Variants in USP30 observed in about 807,000 individuals in gnomAD.
The protein encoded by USP30 is ubiquitin specific peptidase 30.
USP30 carries 41 observed loss-of-function variants against 68.2 expected under a neutral mutation model. The observed-to-expected ratio is 0.60, with a 90% CI of 0.47 to 0.78. USP30 has a LOEUF of 0.78. Among genes scored for constraint, USP30 ranks in the 30% least tolerant of loss-of-function variants. The pLI is 0.00. For missense variants in USP30, 522 were observed against 649.4 expected (o/e 0.80, Z 2.13); for synonymous variants, 229 against 253.7 (o/e 0.90, Z 0.93).
At chr12:109,076,410 C>CTTTTTTTTTTTTT (rs60618572) in intron 7 of USP30, among the ~76,000 whole-genome samples, 2 of 135,658 alleles carry the variant, frequency 1.5e-5, no homozygotes, top group Non-Finnish European at 1.6e-5. Context: ...ATCTTTATTC[C>CTTTTTTTTTTTTT]TTTTTTTTTT....
At position 109,061,243 on chromosome 12, in the gene USP30, T is replaced by C. The variant is rs977523923; in HGVS notation, c.376+3135T>C. 1.2e-4 allele frequency among the ~76,000 whole-genome samples: 19 copies of C among 152,220 alleles called. No homozygotes were observed. The South Asian group carries it at 1.7e-3, about 13-fold the overall frequency. ...CAAAGATTTTGTGAAAGCTGAAATG[T>C]CCACATGAGTTATCCTAACCCTGAC... On this transcript the variant is annotated intron_variant, in intron 3 of 12. Transcript: ENST00000257548.
At chr12:109,069,787 G>T (rs2041375568) in intron 4 of USP30, among the ~76,000 whole-genome samples, 1 of 152,180 alleles carries the variant, frequency 6.6e-6, no homozygotes, top group Admixed American at 6.5e-5. Context: ...CAAGCTACAG[G>T]GGGAGACTGC....
intron 3 of USP30, among the ~76,000 whole-genome samples, chr12:109,062,324 T>C (rs917684595): frequency 4.8e-4 from 73 of 150,678 alleles, no homozygotes; most frequent in African/African-American, 1.7e-3. Flanking sequence ...CTCTACCTCC[T>C]TCACTTTTTT....
chr12:109,069,837 C>T (rs761041036), intron 4 of USP30, among the ~76,000 whole-genome samples: 12 of 152,114 alleles, frequency 7.9e-5, no homozygotes, highest in Non-Finnish European at 1.5e-4. Context: ...GAGGTTTCAG[C>T]GGAGACCGGA....
At chr12:109,054,492 G>C (rs2040778125) in intron 1 of USP30, among the ~76,000 whole-genome samples, 1 of 151,536 alleles carries the variant, frequency 6.6e-6, no homozygotes, top group African/African-American at 2.4e-5. Context: ...CTGCACTCCA[G>C]CCTGGGCACT....
rs969457651 is a variant in USP30 at position 109,070,535 on chromosome 12, G to A, written c.481-1077G>A. ...GTTGGGGGCTTTGTAGGCCAGATAAGAATGGTAGGTTTTACTCTAGTAGTG... is the reference window on the plus strand; with the variant it reads ...GTTGGGGGCTTTGTAGGCCAGATAAAAATGGTAGGTTTTACTCTAGTAGTG... On this transcript the variant is annotated intron_variant, in intron 4 of 12. Coordinates refer to ENST00000257548, the MANE Select transcript of USP30 (RefSeq NM_032663.5). The surrounding 1 kb of genome is among the most constrained non-coding windows in gnomAD (Gnocchi z 4.0). Among the ~76,000 whole-genome samples the A allele has an allele frequency of 1.3e-5, 2 of 152,216 alleles. No homozygotes were observed. The highest frequency in any genetic ancestry group is 2.9e-5 in the Non-Finnish European group (2 of 68,036).
At chr12:109,063,877 T>C (rs2041158686) in intron 3 of USP30, among the ~76,000 whole-genome samples, 1 of 144,936 alleles carries the variant, frequency 6.9e-6, no homozygotes, top group Non-Finnish European at 1.5e-5. Context: ...GAATTGGGTT[T>C]CTTTTTTTTT....
intron 4 of USP30, among the ~76,000 whole-genome samples, chr12:109,071,229 A>G (rs746551776): frequency 4.6e-5 from 7 of 152,266 alleles, no homozygotes; most frequent in Admixed American, 1.3e-4. Context: ...ACATGAATGT[A>G]CTTAATGCCA....
At chr12:109,078,218 G>A (rs2041670696) in intron 7 of USP30, among the ~76,000 whole-genome samples, 2 of 152,086 alleles carry the variant, frequency 1.3e-5, no homozygotes, top group Non-Finnish European at 1.5e-5. Context: ...GAGGTCAGGA[G>A]TTCAAGACCA....
intron 3 of USP30, among the ~76,000 whole-genome samples, chr12:109,046,057 C>T (rs1238320027): frequency 6.6e-6 from 1 of 150,832 alleles, no homozygotes; most frequent in Non-Finnish European, 1.5e-5. Context: ...GCAGAATTCC[C>T]TCTTATTCTT....
chr12:109,036,692 G>T (rs1367261478), intron 3 of USP30, among the ~76,000 whole-genome samples: 1 of 151,954 alleles, frequency 6.6e-6, no homozygotes, highest in African/African-American at 2.4e-5. Context: ...GAATAGTTTT[G>T]CCAGATATAG....
intron 7 of USP30, among the ~76,000 whole-genome samples, chr12:109,080,591 A>G (rs2041768139): frequency 6.6e-6 from 1 of 152,196 alleles, no homozygotes; most frequent in Non-Finnish European, 1.5e-5. Context: ...ATGTTCTTCT[A>G]CATTTTGTTT....
intron 3 of USP30, among the ~76,000 whole-genome samples, chr12:109,042,722 T>C (rs775942841): frequency 5.3e-5 from 8 of 152,206 alleles, no homozygotes; most frequent in Non-Finnish European, 1.0e-4. Context: ...ACAACTTCTA[T>C]TTAACGTAGT....
intron 3 of USP30, among the ~76,000 whole-genome samples, chr12:109,042,752 G>A (rs2135674319): frequency 6.6e-6 from 1 of 152,218 alleles, no homozygotes; most frequent in Middle Eastern, 3.4e-3. Flanking sequence ...TCTAGCCACA[G>A]CAATTAGGCA....
chr12:109,044,990 T>C (rs548104083), intron 3 of USP30, among the ~76,000 whole-genome samples: 414 of 18,888 alleles, frequency 0.022, 2 homozygotes, highest in African/African-American at 0.04. Context: ...TCAAACATCT[T>C]TTTTTTTTTT....
intron 3 of USP30, among the ~76,000 whole-genome samples, chr12:109,036,480 T>A (rs1193072126): frequency 2.0e-5 from 3 of 152,022 alleles, no homozygotes; most frequent in Non-Finnish European, 4.4e-5. Context: ...GTATTTTGGA[T>A]AGAGATGGGG....
chr12:109,060,594 T>A (rs1194643206), intron 3 of USP30, among the ~76,000 whole-genome samples: 1 of 152,142 alleles, frequency 6.6e-6, no homozygotes, highest in African/African-American at 2.4e-5. Flanking sequence ...GTAAACATGC[T>A]CTTTGAGGCC....
chr12:109,058,242 A>C, intron 3 of USP30, 134 bp downstream of exon 3: 1 of 974,486 alleles, frequency 1.0e-6, no homozygotes, highest in Non-Finnish European at 1.5e-6. Flanking sequence ...AACAACACCA[A>C]GAGCCCAATA....
intron 3 of USP30, among the ~76,000 whole-genome samples, chr12:109,066,788 C>G (rs1236011280): frequency 6.6e-6 from 1 of 152,130 alleles, no homozygotes; most frequent in Non-Finnish European, 1.5e-5. Context: ...CAAATACAAG[C>G]AAAGGCCTTG....
Sources: allele counts gnomAD v4.1 joint callset (sites outside exome capture counted in the v4.1 genomes callset), GRCh38; gene constraint gnomAD v4.1.1; non-coding constraint Gnocchi (gnomAD v3.1); transcripts MANE v1.5; gene names NCBI Gene and HGNC (gene_info 2026-07-23, HGNC 2026-07-21).